The following POFUT3 variants were observed in gnomAD, a reference collection of about 807,000 sequenced individuals.
POFUT3 encodes the protein GDP-fucose protein O-fucosyltransferase 3.
chr8:33,331,245 A>G, the POFUT3 span, among the ~76,000 whole-genome samples: 1 of 151,932 alleles, frequency 6.6e-6, no homozygotes, highest in Non-Finnish European at 1.5e-5. Flanking sequence ...GAGACAGGAG[A>G]ATCACTTGAA....
chr8:33,384,242 T>TGAAC, the POFUT3 span, among the ~76,000 whole-genome samples: 1 of 152,172 alleles, frequency 6.6e-6, no homozygotes, highest in Non-Finnish European at 1.5e-5. Context: ...AGGCTATGCA[T>TGAAC]GAACAGAAGA....
chr8:33,367,258 G>A, the POFUT3 span, among the ~76,000 whole-genome samples: 1 of 152,144 alleles, frequency 6.6e-6, no homozygotes, highest in Non-Finnish European at 1.5e-5. Flanking sequence ...GGAACACCTG[G>A]TCCGCCCAGG....
chr8:33,328,399 A>C, the POFUT3 span, among the ~76,000 whole-genome samples: 1 of 150,282 alleles, frequency 6.7e-6, no homozygotes, highest in Non-Finnish European at 1.5e-5. Flanking sequence ...AAAAAAAAAA[A>C]GCAGCTCACT....
the POFUT3 span, among the ~76,000 whole-genome samples, chr8:33,401,078 G>A: frequency 1.3e-5 from 2 of 152,118 alleles, no homozygotes; most frequent in Non-Finnish European, 1.5e-5. Flanking sequence ...TGCCTCCTGG[G>A]TTCAAGTGAT....
the POFUT3 span, among the ~76,000 whole-genome samples, chr8:33,425,696 C>T: frequency 1.1e-4 from 16 of 151,616 alleles, no homozygotes; most frequent in Admixed American, 1.1e-3. Context: ...CTGAGGCAGG[C>T]AGATCACTTG....
At chr8:33,420,372 A>T in the POFUT3 span, among the ~76,000 whole-genome samples, 1 of 152,182 alleles carries the variant, frequency 6.6e-6, no homozygotes, top group Non-Finnish European at 1.5e-5. Flanking sequence ...GTGAAATGAC[A>T]AGGTTTAAAA....
At chr8:33,381,048 G>C in the POFUT3 span, among the ~76,000 whole-genome samples, 3 of 151,962 alleles carry the variant, frequency 2.0e-5, no homozygotes, top group Admixed American at 6.6e-5. Flanking sequence ...GAGATGGAAG[G>C]ATCACTTGAG....
chr8:33,398,258 G>C, the POFUT3 span, among the ~76,000 whole-genome samples: 1 of 152,076 alleles, frequency 6.6e-6, no homozygotes, highest in Non-Finnish European at 1.5e-5. Context: ...CAAGCTTAGA[G>C]AAAAGTTAAC....
the POFUT3 span, among the ~76,000 whole-genome samples, chr8:33,470,274 G>C: frequency 1.4e-5 from 2 of 147,630 alleles, no homozygotes; most frequent in Admixed American, 1.3e-4. Context: ...AAGTTAGCTG[G>C]GCATGCTGGT....
chr8:33,434,452 C>T, the POFUT3 span, among the ~76,000 whole-genome samples: 1 of 152,176 alleles, frequency 6.6e-6, no homozygotes, highest in African/African-American at 2.4e-5. Flanking sequence ...TCCCAGAGGG[C>T]ATGATGGAAA....
At chr8:33,363,961 C>T in the POFUT3 span, among the ~76,000 whole-genome samples, 1 of 152,056 alleles carries the variant, frequency 6.6e-6, no homozygotes, top group East Asian at 1.9e-4. Context: ...GGCAGAGACA[C>T]AACAAAAAAA....
chr8:33,462,764 C>A, the POFUT3 span, among the ~76,000 whole-genome samples: 5 of 151,894 alleles, frequency 3.3e-5, no homozygotes, highest in Admixed American at 3.3e-4. Flanking sequence ...ACCCTGTCTG[C>A]ATAGAAAATT....
At chr8:33,436,778 C>CG in the POFUT3 span, 4 of 508,282 alleles carry the variant, frequency 7.9e-6, no homozygotes, top group African/African-American at 7.8e-5. Context: ...GCTAAAATAG[C>CG]GGCCAATTTT....
the POFUT3 span, among the ~76,000 whole-genome samples, chr8:33,439,582 CTT>C: frequency 6.6e-6 from 1 of 151,810 alleles, no homozygotes; most frequent in Non-Finnish European, 1.5e-5. Context: ...TATATCCTAA[CTT>C]CAGCCGGGCG....
chr8:33,392,238 T>C, the POFUT3 span, among the ~76,000 whole-genome samples: 3 of 152,218 alleles, frequency 2.0e-5, no homozygotes, highest in Non-Finnish European at 4.4e-5. Context: ...TTCTGTAAGA[T>C]TGTCAGATGC....
At chr8:33,469,620 T>C in the POFUT3 span, among the ~76,000 whole-genome samples, 1 of 152,104 alleles carries the variant, frequency 6.6e-6, no homozygotes, top group Non-Finnish European at 1.5e-5. Flanking sequence ...CCTCAATCCT[T>C]AAATTCCAGA....
the POFUT3 span, among the ~76,000 whole-genome samples, chr8:33,382,111 G>A: frequency 6.6e-6 from 1 of 152,072 alleles, no homozygotes; most frequent in Non-Finnish European, 1.5e-5. Flanking sequence ...TGGGAAACAT[G>A]GCAAAACTCC....
At chr8:33,430,933 G>A in the POFUT3 span, among the ~76,000 whole-genome samples, 2 of 152,152 alleles carry the variant, frequency 1.3e-5, no homozygotes, top group East Asian at 3.9e-4. Context: ...AAGAAAACTA[G>A]GAACACCTGT....
the POFUT3 span, among the ~76,000 whole-genome samples, chr8:33,341,163 C>T: frequency 6.1e-4 from 93 of 152,062 alleles, no homozygotes; most frequent in African/African-American, 1.0e-3. Flanking sequence ...TGGCGAGGCG[C>T]GGTGGCTCAC....
Sources: allele counts gnomAD v4.1 joint callset (sites outside exome capture counted in the v4.1 genomes callset), GRCh38; gene constraint gnomAD v4.1.1; transcripts MANE v1.5; gene names NCBI Gene and HGNC (gene_info 2026-07-23, HGNC 2026-07-21).